Variants in MICAL3 observed in about 807,000 individuals in gnomAD.
The protein encoded by MICAL3 is microtubule associated monooxygenase, calponin and LIM domain containing 3.
In MICAL3, 62 loss-of-function variants were observed where a neutral mutation model predicts 207.4. The ratio of observed to expected loss-of-function variants is 0.30; its 90% confidence interval spans 0.24 to 0.37. The LOEUF is 0.37. Ranked by LOEUF, MICAL3 falls within the 10% of genes least tolerant of loss-of-function variation. The pLI is 1.00. For missense variants in MICAL3, 2,368 were observed against 2,635.6 expected, an observed-to-expected ratio of 0.90 and a Z score of 2.22; for synonymous variants, 1,077 against 1,069.3, an observed-to-expected ratio of 1.01 and a Z score of -0.14.
intron 1 of MICAL3, among the ~76,000 whole-genome samples, chr22:17,985,274 G>A (rs540243786): frequency 9.2e-5 from 14 of 151,636 alleles, no homozygotes; most frequent in Non-Finnish European, 1.8e-4. Flanking sequence ...AGCGTGCTGC[G>A]TGCCCGATTC....
At chr22:17,904,313 C>T (rs998616353) in intron 3 of MICAL3, among the ~76,000 whole-genome samples, 2 of 152,228 alleles carry the variant, frequency 1.3e-5, no homozygotes, top group African/African-American at 4.8e-5. Context: ...GTCATCGTTT[C>T]CCCAGTGCCT....
At chr22:17,889,773 C>T (rs1216213019) in intron 12 of MICAL3, among the ~76,000 whole-genome samples, 2 of 152,154 alleles carry the variant, frequency 1.3e-5, no homozygotes, top group African/African-American at 4.8e-5. Context: ...TGCCACTGCC[C>T]TCTATCCTGG....
chr22:17,962,174 A>T (rs1934941764), intron 1 of MICAL3, among the ~76,000 whole-genome samples: 1 of 152,230 alleles, frequency 6.6e-6, no homozygotes, highest in Admixed American at 6.5e-5. Flanking sequence ...AAAGCGAGAC[A>T]TCATTCCAAC....
intron 20 of MICAL3, among the ~76,000 whole-genome samples, chr22:17,833,863 G>C (rs775663871): frequency 2.0e-5 from 3 of 152,154 alleles, no homozygotes; most frequent in Non-Finnish European, 2.9e-5. Context: ...TCGAGACCAA[G>C]AGAGTACAGC....
intron 8 of MICAL3, 53 bp downstream of exon 8, chr22:17,896,671 A>C (rs1602170284): frequency 6.4e-7 from 1 of 1,573,914 alleles, no homozygotes. Context: ...GCCCAGATTC[A>C]CTCCTAATTA....
intron 1 of MICAL3, among the ~76,000 whole-genome samples, chr22:17,923,815 A>C (rs1439842853): frequency 6.6e-6 from 1 of 152,214 alleles, no homozygotes; most frequent in African/African-American, 2.4e-5. Context: ...CACAAGTCTA[A>C]CTCCAGGGAA....
intron 1 of MICAL3, among the ~76,000 whole-genome samples, chr22:17,988,020 C>T (rs1368894537): frequency 6.6e-6 from 1 of 152,172 alleles, no homozygotes; most frequent in Non-Finnish European, 1.5e-5. Context: ...GGGGCACCTG[C>T]TGCCCAGAAC....
At chr22:17,983,332 T>G (rs1220617393) in intron 1 of MICAL3, 1 of 152,400 alleles carries the variant, frequency 6.6e-6, no homozygotes, top group South Asian at 2.1e-4. Context: ...CTTCCCACTC[T>G]TTTAACAACC....
chr22:17,837,251 T>C (rs1923494869), intron 20 of MICAL3, among the ~76,000 whole-genome samples: 1 of 152,240 alleles, frequency 6.6e-6, no homozygotes, highest in Non-Finnish European at 1.5e-5. Flanking sequence ...GAAATCCCCA[T>C]TTATTCATGG....
chr22:17,829,889 G>A (rs1474101895), intron 21 of MICAL3, among the ~76,000 whole-genome samples: 4 of 122,950 alleles, frequency 3.3e-5, no homozygotes, highest in Non-Finnish European at 5.4e-5. Context: ...GTTACTTTGC[G>A]CCTGACTGTC....
Position 17,838,109 on chromosome 22 carries a change from T to G in MICAL3, c.2801+3713A>C, listed in dbSNP as rs115800543. Among the ~76,000 whole-genome samples, 435 of 152,320 alleles carry G rather than the reference T, an allele frequency of 2.9e-3. 2 individuals carry two copies. The highest frequency in any genetic ancestry group is 0.01 in the African/African-American group (416 of 41,566). ...TGTGAGCCACCATGCCTGGCTGCAA[T>G]TATATTTTTAGCCAAGCATCCCAGG... On this transcript the variant is annotated intron_variant, in intron 20 of 31. Coordinates refer to ENST00000441493, the MANE Select transcript of MICAL3 (RefSeq NM_015241.3).
chr22:17,972,466 G>A (rs448627), intron 1 of MICAL3, among the ~76,000 whole-genome samples: 43,555 of 151,982 alleles, frequency 0.29, 6,477 homozygotes, highest in East Asian at 0.52. Flanking sequence ...GTGAACGGAC[G>A]TACGGGAGTA....
At chr22:17,974,536 C>T (rs1193136393) in intron 1 of MICAL3, among the ~76,000 whole-genome samples, 6 of 152,110 alleles carry the variant, frequency 3.9e-5, no homozygotes, top group Non-Finnish European at 8.8e-5. Context: ...ACCAGCCTGG[C>T]CAACATGGCA....
rs773923581 is a variant in MICAL3 at position 17,887,242 on chromosome 22, G to C, written c.2005-10C>G. On this transcript the variant is annotated splice_polypyrimidine_tract_variant and intron_variant, in intron 14 of 31. Coordinates refer to ENST00000441493, the MANE Select transcript of MICAL3 (RefSeq NM_015241.3). ...CCTTTTCCTTTTTATCCTGTACCAA[G>C]GGAGGAGGGAAACTGCATTATTCTA... 3.1e-5 allele frequency: 50 copies of C among 1,613,028 alleles called. No individual in the cohort carries two copies. Among genetic ancestry groups the C allele is most frequent in the Non-Finnish European group, 3.9e-5 (46 of 1,179,428 alleles).
intron 1 of MICAL3, among the ~76,000 whole-genome samples, chr22:17,948,912 C>CAA (rs112234424): frequency 4.7e-5 from 5 of 106,654 alleles, no homozygotes; most frequent in African/African-American, 4.1e-5. Flanking sequence ...GATGCTGCCT[C>CAA]AAAAAAAAAA....
intron 19 of MICAL3, chr22:17,863,395 T>C (rs960958207): frequency 1.0e-6 from 1 of 985,418 alleles, no homozygotes; most frequent in African/African-American, 1.7e-5. Flanking sequence ...TTCTATAGCA[T>C]AAAGCCAAAG....
Position 17,822,092 on chromosome 22 carries a change from A to G in MICAL3, c.3386T>C (p.Leu1129Pro), listed in dbSNP as rs1921710976. The G allele has an allele frequency of 3.7e-6, 6 of 1,613,806 alleles. No individual in the cohort carries two copies. Among genetic ancestry groups the G allele is most frequent in the Non-Finnish European group, 5.1e-6 (6 of 1,179,894 alleles). Residue 1129 changes from leucine (L) to proline (P), a missense_variant, in exon 24 of 32, where the codon CTG becomes CCG. This residue lies in a region of MICAL3 where 1,770 missense variants were observed against 1,863.2 expected (regional missense o/e 0.95). Transcript: ENST00000441493. ...CTCATCTTCCGACACCCTCAGCTCC[A>G]GCTCTGCTTCCCCCTCAGCTGGGCA... ...LPCPAEGEAE[L>P]ELRVSEDEEK...
At chr22:17,877,591 T>C in intron 16 of MICAL3, among the ~76,000 whole-genome samples, 1 of 150,626 alleles carries the variant, frequency 6.6e-6, no homozygotes, top group African/African-American at 2.5e-5. Context: ...GTTATGGAGG[T>C]TAGGGAGGTT....
chr22:17,921,133 A>T (rs1932791919), intron 1 of MICAL3, among the ~76,000 whole-genome samples: 1 of 152,212 alleles, frequency 6.6e-6, no homozygotes, highest in Non-Finnish European at 1.5e-5. Flanking sequence ...GTACGGGGAC[A>T]TAAGACAGAA....
Sources: gnomAD v4.1 joint callset for allele counts (sites outside exome capture counted in the v4.1 genomes callset) on GRCh38, gnomAD v4.1.1 for gene constraint, gnomAD v4.1.1 regional missense constraint, MANE v1.5 for transcripts, NCBI Gene and HGNC (gene_info 2026-07-23, HGNC 2026-07-21) for gene names.